SGK1: variants seen among roughly 807,000 people sequenced by gnomAD.
The protein encoded by SGK1 is serum/glucocorticoid regulated kinase 1.
SGK1 carries 26 observed loss-of-function variants against 64.2 expected under a neutral mutation model. The ratio of observed to expected loss-of-function variants is 0.40; its 90% confidence interval spans 0.30 to 0.56. SGK1 has a LOEUF of 0.56. Ranked by LOEUF, SGK1 falls within the 20% of genes least tolerant of loss-of-function variation. The probability of loss-of-function intolerance (pLI) is 0.38; values close to 1 mark genes in which losing one functional copy is unlikely to be tolerated. For synonymous variants in SGK1, 265 were observed against 239.7 expected, an observed-to-expected ratio of 1.11 and a Z score of -0.98; for missense variants, 519 against 645.6, an observed-to-expected ratio of 0.80 and a Z score of 2.12.
intron 1 of SGK1, among the ~76,000 whole-genome samples, chr6:134,286,762 T>C (rs1018639835): frequency 6.6e-6 from 1 of 152,116 alleles, no homozygotes; most frequent in Non-Finnish European, 1.5e-5. Context: ...CCACTGTGCC[T>C]GGCCTAAAAA....
intron 2 of SGK1, among the ~76,000 whole-genome samples, chr6:134,254,127 T>C (rs866789897): frequency 1.3e-4 from 17 of 128,464 alleles, no homozygotes; most frequent in African/African-American, 4.7e-4. Flanking sequence ...TTTTTTTTTT[T>C]CAAAAAAAAA....
intron 1 of SGK1, among the ~76,000 whole-genome samples, chr6:134,303,676 C>T (rs376483488): frequency 6.6e-6 from 1 of 151,296 alleles, no homozygotes; most frequent in African/African-American, 2.4e-5. Context: ...CCTAGCTACT[C>T]GAGAGGCTGA....
In SGK1 at chr6:134,236,169, T is replaced by C. The variant is rs1485980189; in HGVS notation, c.285+25764A>G. Among the ~76,000 whole-genome samples the C allele has an allele frequency of 2.6e-5, 4 of 152,298 alleles. No individual in the cohort carries two copies. In the East Asian group the frequency reaches 7.7e-4, roughly 29 times the overall value. ...CCCAAAATAGACTGTGAGTCAGTTA[T>C]GAAGGAGGGGGATTCCAGGAACTAG... On this transcript the variant is annotated intron_variant, in intron 2 of 13. Transcript: ENST00000367858.
intron 4 of SGK1, 52 bp from the exon 5 acceptor site, chr6:134,174,132 C>A: frequency 3.0e-6 from 4 of 1,322,028 alleles, no homozygotes; most frequent in Non-Finnish European, 4.3e-6. Flanking sequence ...CTAGGGGGCA[C>A]ACCAACATCA....
Position 134,170,071 on chromosome 6 carries a change from A to T in SGK1, c.*197T>A. ...CACGTTGGAAGGAAGAATAAAAATG[A>T]AAACCTCATGAGCTCACTGAGGAGA... On this transcript the variant is annotated 3_prime_UTR_variant, in exon 14 of 14. Coordinates refer to ENST00000367858, the MANE Select transcript of SGK1 (RefSeq NM_001143676.3). 1 of 420,504 alleles carries T rather than the reference A, an allele frequency of 2.4e-6. No individual in the cohort carries two copies. The highest frequency in any genetic ancestry group is 4.3e-6 in the Non-Finnish European group (1 of 234,898). The allele number at this position is 420,504 out of a possible 1,614,324, so 26.0% of individuals were successfully genotyped here. A position where few individuals can be genotyped will look rare whatever the true frequency, so the allele number is the denominator to read the frequency against.
chr6:134,184,191 G>C (rs184615089), intron 3 of SGK1, among the ~76,000 whole-genome samples: 2 of 151,816 alleles, frequency 1.3e-5, no homozygotes, highest in African/African-American at 2.4e-5. Context: ...CTTGTCATTC[G>C]GATCTCCCAG....
At chr6:134,292,889 A>C (rs1777288320) in intron 1 of SGK1, among the ~76,000 whole-genome samples, 1 of 152,224 alleles carries the variant, frequency 6.6e-6, no homozygotes, top group Non-Finnish European at 1.5e-5. Context: ...CAATGATCAA[A>C]ATGTCAGAGT....
intron 2 of SGK1, among the ~76,000 whole-genome samples, chr6:134,252,358 C>T (rs867266563): frequency 3.9e-5 from 6 of 152,100 alleles, no homozygotes; most frequent in Non-Finnish European, 5.9e-5. Flanking sequence ...ACACAATGTG[C>T]GCGTTGCACA....
chr6:134,181,719 T>C (rs1328073886), intron 3 of SGK1, among the ~76,000 whole-genome samples: 5 of 152,092 alleles, frequency 3.3e-5, no homozygotes, highest in Admixed American at 1.3e-4. Context: ...CCTAAGGACT[T>C]AAGGACTGTT....
At chr6:134,174,628 T>C (rs1389547907) in intron 3 of SGK1, 42 bp from the exon 4 acceptor site, 1 of 1,606,130 alleles carries the variant, frequency 6.2e-7, no homozygotes, top group Non-Finnish European at 8.5e-7. Flanking sequence ...TTTAGACGGC[T>C]TCATAACGTC....
At chr6:134,188,916 T>C (rs1417924976) in intron 3 of SGK1, among the ~76,000 whole-genome samples, 7 of 147,646 alleles carry the variant, frequency 4.7e-5, no homozygotes, top group South Asian at 2.1e-4. Flanking sequence ...TTCTTTTTTT[T>C]TTTTTTTTTT....
At chr6:134,236,013 A>G (rs1212397158) in intron 2 of SGK1, among the ~76,000 whole-genome samples, 1 of 152,082 alleles carries the variant, frequency 6.6e-6, no homozygotes, top group Non-Finnish European at 1.5e-5. Context: ...CCTGATTTTG[A>G]GGCCACATGC....
At chr6:134,241,048 C>CTTTTTT (rs10686058) in intron 2 of SGK1, among the ~76,000 whole-genome samples, 1 of 74,078 alleles carries the variant, frequency 1.3e-5, no homozygotes, top group African/African-American at 3.5e-5. Flanking sequence ...TTCTTTTTTT[C>CTTTTTT]TTTTTTTTTT....
At chr6:134,289,717 C>T (rs762125119) in intron 1 of SGK1, among the ~76,000 whole-genome samples, 17 of 152,066 alleles carry the variant, frequency 1.1e-4, no homozygotes, top group Non-Finnish European at 2.2e-4. Context: ...CTGGTGGCTA[C>T]CACATCAGAC....
intron 2 of SGK1, among the ~76,000 whole-genome samples, chr6:134,254,254 G>A (rs1259873824): frequency 6.6e-6 from 1 of 152,072 alleles, no homozygotes; most frequent in South Asian, 2.1e-4. Context: ...GAACACATTC[G>A]ATTCACAACT....
chr6:134,211,670 A>C (rs1775891619), intron 2 of SGK1: 1 of 152,172 alleles, frequency 6.6e-6, no homozygotes. Context: ...CTTTGCACGT[A>C]AAATAAATTA....
intron 3 of SGK1, among the ~76,000 whole-genome samples, chr6:134,189,137 C>A (rs1371518695): frequency 6.6e-6 from 1 of 151,700 alleles, no homozygotes; most frequent in African/African-American, 2.4e-5. Flanking sequence ...TAGTTATCCC[C>A]AGAGGATTGT....
intron 13 of SGK1, 171 bp from the exon 14 acceptor site, chr6:134,170,606 G>A (rs1774984403): frequency 1.4e-6 from 1 of 698,258 alleles, no homozygotes; most frequent in Non-Finnish European, 2.4e-6. Flanking sequence ...TAAGAATAAT[G>A]TTCACTTGTT....
intron 2 of SGK1, among the ~76,000 whole-genome samples, chr6:134,224,786 G>C (rs191330666): frequency 6.6e-6 from 1 of 152,018 alleles, no homozygotes; most frequent in Non-Finnish European, 1.5e-5. Context: ...ACTTTGGCAG[G>C]TCGAGGCAGG....
Sources: gnomAD v4.1 joint callset for allele counts (sites outside exome capture counted in the v4.1 genomes callset) on GRCh38, gnomAD v4.1.1 for gene constraint, MANE v1.5 for transcripts, NCBI Gene and HGNC (gene_info 2026-07-23, HGNC 2026-07-21) for gene names.